Variants in HOMER2 observed in about 807,000 individuals in gnomAD.
HOMER2 encodes homer scaffold protein 2.
Under a neutral mutation model 47.0 loss-of-function variants are expected in HOMER2, and 27 were observed. The ratio of observed to expected loss-of-function variants is 0.57; its 90% CI spans 0.42 to 0.79. The LOEUF (loss-of-function observed/expected upper bound fraction) is 0.79, where lower values mean the gene tolerates loss of function less well. HOMER2 is among the 30% of genes least tolerant of loss of function. The pLI is 0.00. For missense variants in HOMER2, 443 were observed against 435.0 expected, an observed-to-expected ratio of 1.02 and a Z score of -0.16; for synonymous variants, 161 against 163.8, an observed-to-expected ratio of 0.98 and a Z score of 0.13.
intron 1 of HOMER2, among the ~76,000 whole-genome samples, chr15:82,961,603 C>T (rs1340329062): frequency 6.6e-6 from 1 of 151,976 alleles, no homozygotes; most frequent in Non-Finnish European, 1.5e-5. Flanking sequence ...GATATACTGT[C>T]TCCTAAACAA....
At chr15:82,964,655 A>G (rs2054657775) in intron 1 of HOMER2, among the ~76,000 whole-genome samples, 1 of 152,120 alleles carries the variant, frequency 6.6e-6, no homozygotes, top group Non-Finnish European at 1.5e-5. Flanking sequence ...AATCCCAGCT[A>G]CTCGAGAGGC....
chr15:82,874,755 TGTCA>T (rs377278468), intron 3 of HOMER2, among the ~76,000 whole-genome samples: 293 of 152,364 alleles, frequency 1.9e-3, no homozygotes, highest in African/African-American at 6.9e-3. Context: ...CGTTGATGGC[TGTCA>T]GAGACAAAGT....
intron 5 of HOMER2, among the ~76,000 whole-genome samples, chr15:82,855,325 C>A (rs1308784764): frequency 1.1e-4 from 7 of 61,514 alleles, no homozygotes; most frequent in East Asian, 5.9e-4. Context: ...ACTCCATCTC[C>A]AAAAAAAAAA....
At chr15:82,899,078 G>T (rs1158102203) in intron 1 of HOMER2, among the ~76,000 whole-genome samples, 1 of 152,162 alleles carries the variant, frequency 6.6e-6, no homozygotes, top group Non-Finnish European at 1.5e-5. Flanking sequence ...GGCTTCCCTG[G>T]CTCTGTCCCC....
intron 3 of HOMER2, among the ~76,000 whole-genome samples, chr15:82,871,081 G>C (rs966206967): frequency 1.3e-5 from 2 of 152,188 alleles, no homozygotes; most frequent in Non-Finnish European, 2.9e-5. Flanking sequence ...CCTTCAGTAG[G>C]CTGGGGTTTT....
At chr15:82,900,047 T>TTTG (rs765810914) in intron 1 of HOMER2, among the ~76,000 whole-genome samples, 3 of 151,862 alleles carry the variant, frequency 2.0e-5, no homozygotes, top group Admixed American at 6.6e-5. Context: ...TATATAATAA[T>TTTG]AGATTGCCAA....
At chr15:82,899,936 C>T (rs755171208) in intron 1 of HOMER2, among the ~76,000 whole-genome samples, 22 of 151,800 alleles carry the variant, frequency 1.4e-4, no homozygotes, top group Non-Finnish European at 2.5e-4. Context: ...GCAGGAGAAT[C>T]GCTTGAACCA....
chr15:82,867,139 T>C (rs1230836064), intron 3 of HOMER2, among the ~76,000 whole-genome samples: 1 of 152,066 alleles, frequency 6.6e-6, no homozygotes, highest in Non-Finnish European at 1.5e-5. Flanking sequence ...ACCTGTAGCA[T>C]GATAAATTAT....
intron 4 of HOMER2, among the ~76,000 whole-genome samples, chr15:82,859,468 C>CGTAA (rs1405013758): frequency 6.6e-6 from 1 of 152,130 alleles, no homozygotes; most frequent in Non-Finnish European, 1.5e-5. Flanking sequence ...TTTTTACTTA[C>CGTAA]GCCTTATGGA....
At chr15:82,968,496 CG>C in intron 1 of HOMER2, among the ~76,000 whole-genome samples, 1 of 152,292 alleles carries the variant, frequency 6.6e-6, no homozygotes, top group East Asian at 1.9e-4. Context: ...GAAAAGTCTC[CG>C]TCTCACCCCT....
At chr15:82,846,520 A>G (rs2051250003), downstream of HOMER2, 1 of 152,190 alleles carries the variant, frequency 6.6e-6, no homozygotes, top group South Asian at 2.1e-4. Flanking sequence ...CACCAAAGGG[A>G]CTAGAGTGGC....
upstream of HOMER2, among the ~76,000 whole-genome samples, chr15:82,954,460 G>GT (rs34974567): frequency 0.13 from 18,090 of 134,314 alleles, 1,217 homozygotes; most frequent in Middle Eastern, 0.28. Flanking sequence ...ACCACGCCCA[G>GT]TTTTTTTTTT....
chr15:82,905,686 G>C (rs2090162220), intron 1 of HOMER2, among the ~76,000 whole-genome samples: 1 of 152,084 alleles, frequency 6.6e-6, no homozygotes, highest in South Asian at 2.1e-4. Flanking sequence ...AGAGAAAAAA[G>C]CACACACCAA....
At chr15:82,950,419 GA>G (rs773040435) in intron 1 of HOMER2, among the ~76,000 whole-genome samples, 52 of 151,994 alleles carry the variant, frequency 3.4e-4, no homozygotes, top group Non-Finnish European at 1.6e-4. Flanking sequence ...GAGCCATGAC[GA>G]AGCTGTAGGA....
At chr15:82,978,183 G>C (rs2030271417) in intron 1 of HOMER2, among the ~76,000 whole-genome samples, 1 of 151,858 alleles carries the variant, frequency 6.6e-6, no homozygotes, top group Non-Finnish European at 1.5e-5. Flanking sequence ...AGGAAGGCAG[G>C]GGCAAGATCA....
intron 2 of HOMER2, among the ~76,000 whole-genome samples, chr15:82,878,305 T>C (rs1331500126): frequency 6.6e-6 from 1 of 152,158 alleles, no homozygotes; most frequent in Non-Finnish European, 1.5e-5. Flanking sequence ...CCTTAAAACT[T>C]AGTTTCTAGG....
intron 6 of HOMER2, among the ~76,000 whole-genome samples, chr15:82,853,915 G>A (rs753853599): frequency 1.3e-5 from 2 of 152,178 alleles, no homozygotes; most frequent in Non-Finnish European, 2.9e-5. Flanking sequence ...TAATGTGAAT[G>A]GAAGCAGGAC....
chr15:82,848,204 C>T (rs989360928), downstream of HOMER2, among the ~76,000 whole-genome samples: 2 of 152,116 alleles, frequency 1.3e-5, no homozygotes, highest in Non-Finnish European at 2.9e-5. Flanking sequence ...GCCCAGGGCA[C>T]CTGGGTTCGG....
At chr15:82,960,725 G>T (rs1001731167) in intron 1 of HOMER2, among the ~76,000 whole-genome samples, 1 of 152,112 alleles carries the variant, frequency 6.6e-6, no homozygotes, top group Non-Finnish European at 1.5e-5. Context: ...GGCATGGTTA[G>T]CTTATCAGGC....
Sources: allele counts gnomAD v4.1 joint callset (sites outside exome capture counted in the v4.1 genomes callset), GRCh38; gene constraint gnomAD v4.1.1; transcripts MANE v1.5; gene names NCBI Gene and HGNC (gene_info 2026-07-23, HGNC 2026-07-21).